TTLL5: variants seen among roughly 807,000 people sequenced by gnomAD.
The protein encoded by TTLL5 is tubulin tyrosine ligase like 5.
Under a neutral mutation model 168.4 loss-of-function variants are expected in TTLL5, and 132 were observed. That is an observed-to-expected ratio of 0.78 (90% CI 0.68 to 0.91). The LOEUF (loss-of-function observed/expected upper bound fraction) is 0.91, where lower values mean the gene tolerates loss of function less well. Ranked by LOEUF, TTLL5 falls within the 40% of genes least tolerant of loss-of-function variation. TTLL5 has a pLI of 0.00. For synonymous variants in TTLL5, 546 were observed against 558.6 expected, an observed-to-expected ratio of 0.98 and a Z score of 0.32; for missense variants, 1,545 against 1,581.5, an observed-to-expected ratio of 0.98 and a Z score of 0.39.
chr14:75,745,269 A>C lies in TTLL5; in HGVS notation c.1395+61A>C, dbSNP rs527945106. 6.5e-5 allele frequency: 96 copies of C among 1,481,496 alleles called. No individual in the cohort carries two copies. The South Asian group carries it at 1.1e-3, about 17-fold the overall frequency. 91.8% of individuals were successfully genotyped at this position (1,481,496 alleles called of 1,614,324 possible). A position where few individuals can be genotyped will look rare whatever the true frequency, so the allele number is the denominator to read the frequency against. On this transcript the variant is annotated intron_variant, in intron 16 of 31. Coordinates refer to ENST00000298832, the MANE Select transcript of TTLL5 (RefSeq NM_015072.5). ...ACACAGGGTTTAGTGAAAATTAGTG[A>C]GTGATTGATAATATTCATGACAAAC...
chr14:75,817,982 T>C (rs889964686), intron 27 of TTLL5, among the ~76,000 whole-genome samples: 1 of 151,410 alleles, frequency 6.6e-6, no homozygotes, highest in Non-Finnish European at 1.5e-5. Flanking sequence ...GGACTACAGG[T>C]GCCCGCCACC....
chr14:75,912,162 A>C (rs958980192), intron 31 of TTLL5, among the ~76,000 whole-genome samples: 1 of 150,808 alleles, frequency 6.6e-6, no homozygotes, highest in African/African-American at 2.4e-5. Context: ...GACTCTCTCT[A>C]TGGGATTGTT....
At chr14:75,904,202 CAAAAAA>C in intron 31 of TTLL5, 2 of 986,504 alleles carry the variant, frequency 2.0e-6, no homozygotes, top group South Asian at 2.1e-5. Flanking sequence ...CTCACTCCTC[CAAAAAA>C]AAAAAAAAGG....
At chr14:75,715,388 A>G (rs116806112) in intron 9 of TTLL5, among the ~76,000 whole-genome samples, 2,625 of 152,170 alleles carry the variant, frequency 0.017, 46 homozygotes, top group African/African-American at 0.035. Context: ...TTTAAAAGAA[A>G]AAACAAAGCT....
chr14:75,864,891 C>T (rs1385078357), intron 29 of TTLL5, among the ~76,000 whole-genome samples: 1 of 152,028 alleles, frequency 6.6e-6, no homozygotes, highest in Non-Finnish European at 1.5e-5. Context: ...CTAAGTAAAA[C>T]AATTATTATT....
At chr14:75,748,913 A>G (rs1385285481) in intron 17 of TTLL5, among the ~76,000 whole-genome samples, 3 of 152,172 alleles carry the variant, frequency 2.0e-5, no homozygotes, top group African/African-American at 7.2e-5. Context: ...TGGTGACTGC[A>G]TTTTGACCTA....
intron 31 of TTLL5, among the ~76,000 whole-genome samples, chr14:75,922,952 T>C (rs1280122921): frequency 6.6e-6 from 1 of 152,218 alleles, no homozygotes; most frequent in Non-Finnish European, 1.5e-5. Context: ...CCTGGTTTAG[T>C]CTTGGGAGGG....
At chr14:75,785,176 CTT>C (rs903930146) in intron 26 of TTLL5, among the ~76,000 whole-genome samples, 328 of 102,568 alleles carry the variant, frequency 3.2e-3, no homozygotes, top group South Asian at 0.018. Context: ...AGATTTCCTC[CTT>C]TTTTTTTTTT....
chr14:75,849,470 A>T (rs911013366), intron 28 of TTLL5, among the ~76,000 whole-genome samples: 1 of 152,222 alleles, frequency 6.6e-6, no homozygotes, highest in Non-Finnish European at 1.5e-5. Flanking sequence ...AGGAGGTCAT[A>T]TGCTGGGAAA....
At chr14:75,717,466 A>G (rs186130152) in intron 9 of TTLL5, among the ~76,000 whole-genome samples, 1 of 152,232 alleles carries the variant, frequency 6.6e-6, no homozygotes, top group Non-Finnish European at 1.5e-5. Context: ...TATCCTACAC[A>G]CAATTTCCCA....
Position 75,884,385 on chromosome 14 carries a change from C to T in TTLL5, c.3740+1483C>T, listed in dbSNP as rs114361654. On this transcript the variant is annotated intron_variant, in intron 30 of 31. Transcript: ENST00000298832. The stretch of plus-strand genomic sequence containing the variant: ...GGTGGGCCCAGGCGGCAGGGCTGGA[C>T]ATTTGAAGACGCTGCTTGCTACTGC... Among the ~76,000 whole-genome samples the T allele has an allele frequency of 9.4e-3, 1,427 of 152,312 alleles. 29 individuals carry two copies. The highest frequency in any genetic ancestry group is 0.033 in the African/African-American group (1,360 of 41,562).
chr14:75,863,944 A>C, intron 29 of TTLL5, 82 bp downstream of exon 29: 4 of 1,148,628 alleles, frequency 3.5e-6, no homozygotes, highest in Non-Finnish European at 4.6e-6. Context: ...AGGTCAGTGA[A>C]TGAGAAATGT....
At chr14:75,850,181 C>T (rs973029386) in intron 28 of TTLL5, among the ~76,000 whole-genome samples, 3 of 151,316 alleles carry the variant, frequency 2.0e-5, no homozygotes, top group South Asian at 4.2e-4. Context: ...CCGAGGCGGG[C>T]GGATCACTTG....
rs5809741 is a variant in TTLL5, at chr14:75,940,077, C to CTTTTT, written c.3824-14329_3824-14325dup. ...AGAGCTCCCTATAAAGAAATTAAAT[C>CTTTTT]TTTTTTTTTTTTTTTTTTTTTTGAG... On this transcript the variant is annotated intron_variant, in intron 31 of 31. Coordinates refer to ENST00000298832, the MANE Select transcript of TTLL5 (RefSeq NM_015072.5). Among the ~76,000 whole-genome samples the CTTTTT allele has an allele frequency of 5.8e-3, 455 of 78,810 alleles. 14 individuals carry two copies. The highest frequency in any genetic ancestry group is 0.02 in the South Asian group (43 of 2,204). The allele number at this position is 78,810 out of a possible 152,430, so 51.7% of individuals were successfully genotyped here.
In TTLL5 at chr14:75,867,245, A is replaced by G. The variant is rs115234502; in HGVS notation, c.3522+3383A>G. 9.4e-3 allele frequency among the ~76,000 whole-genome samples: 1,425 copies of G among 152,322 alleles called. 27 individuals carry two copies. The highest frequency in any genetic ancestry group is 0.033 in the African/African-American group (1,355 of 41,562). The stretch of plus-strand genomic sequence containing the variant: ...ACAGGCAATGGGCTGGATTTGGCCT[A>G]TAGGTCCTAGTGTGCAGACCCATAG... On this transcript the variant is annotated intron_variant, in intron 29 of 31. Transcript: ENST00000298832.
At chr14:75,885,532 A>G (rs1479418634) in intron 30 of TTLL5, among the ~76,000 whole-genome samples, 1 of 152,246 alleles carries the variant, frequency 6.6e-6, no homozygotes. Flanking sequence ...CATTGTTAAC[A>G]TCTGACATTG....
At chr14:75,852,927 T>C (rs553771416) in intron 28 of TTLL5, among the ~76,000 whole-genome samples, 2 of 152,346 alleles carry the variant, frequency 1.3e-5, no homozygotes, top group African/African-American at 2.4e-5. Flanking sequence ...GTAGACTGTT[T>C]CAGTATGTAT....
chr14:75,940,042 C>T (rs1300351572), intron 31 of TTLL5, among the ~76,000 whole-genome samples: 5 of 149,762 alleles, frequency 3.3e-5, no homozygotes, highest in African/African-American at 1.2e-4. Context: ...CTCTACCACT[C>T]TTCATTACCA....
chr14:75,745,651 G>A, intron 17 of TTLL5, 70 bp downstream of exon 17: 4 of 1,205,536 alleles, frequency 3.3e-6, no homozygotes, highest in Non-Finnish European at 4.9e-6. Flanking sequence ...GTGATACACT[G>A]TCATCACTGC....
Sources: gnomAD v4.1 joint callset for allele counts (sites outside exome capture counted in the v4.1 genomes callset) on GRCh38, gnomAD v4.1.1 for gene constraint, MANE v1.5 for transcripts, NCBI Gene and HGNC (gene_info 2026-07-23, HGNC 2026-07-21) for gene names.